The following LRRC71 variants were observed in gnomAD, a reference collection of about 807,000 sequenced individuals.
LRRC71 encodes leucine-rich repeat-containing protein 71.
Under a neutral mutation model 66.6 loss-of-function variants are expected in LRRC71, and 54 were observed. That is an observed-to-expected ratio of 0.81 (90% CI 0.65 to 1.02). LRRC71 has a LOEUF of 1.02. Ranked by LOEUF, LRRC71 falls within the 50% of genes least tolerant of loss-of-function variation. The pLI is 0.00. For synonymous variants in LRRC71, 323 were observed against 303.9 expected (o/e 1.06, Z -0.65); for missense variants, 724 against 718.0 (o/e 1.01, Z -0.10).
At chr1:156,939,638 C>A in the LRRC71 span, 1 of 1,613,868 alleles carries the variant, frequency 6.2e-7, no homozygotes, top group Non-Finnish European at 8.5e-7. Context: ...TCCCATATCC[C>A]AGAATTTCTG....
At chr1:156,927,893 G>A in intron 8 of LRRC71, 22 bp from the exon 9 acceptor site, 2 of 1,610,282 alleles carry the variant, frequency 1.2e-6, no homozygotes, top group Non-Finnish European at 1.7e-6. Context: ...GCGTCCGACC[G>A]CTGAGCGCCC....
At position 156,920,778 on chromosome 1, in the gene LRRC71, C is replaced by T; in HGVS notation, c.-26C>T. ...TTACCTTCCTGCCCCGACGAAGGTC[C>T]CAGAGACGCTGCGGACAACACCAGC... On this transcript the variant is annotated 5_prime_UTR_variant, in exon 1 of 15. Coordinates refer to ENST00000337428, the MANE Select transcript of LRRC71 (RefSeq NM_144702.3). This position sits in a 1 kb window ranked among gnomAD's most constrained non-coding sequence, Gnocchi z 4.9. The T allele has an allele frequency of 1.3e-6, 2 of 1,489,840 alleles. No homozygotes were observed. Among genetic ancestry groups the T allele is most frequent in the East Asian group, 2.6e-5 (1 of 38,852 alleles). The allele number at this position is 1,489,840 out of a possible 1,614,324, so 92.3% of individuals were successfully genotyped here.
downstream of LRRC71, chr1:156,936,262 G>GT: frequency 1.3e-6 from 1 of 754,174 alleles, no homozygotes; most frequent in Non-Finnish European, 2.5e-6. Flanking sequence ...GGTCAGGTAG[G>GT]TATGTGCCTT....
chr1:156,936,493 A>ATAT (rs1481502478), downstream of LRRC71, among the ~76,000 whole-genome samples: 111 of 62,340 alleles, frequency 1.8e-3, no homozygotes, highest in Non-Finnish European at 2.6e-3. Context: ...AAAAAAAAAA[A>ATAT]AAAAATATAT....
the LRRC71 span, among the ~76,000 whole-genome samples, chr1:156,938,254 C>T: frequency 6.6e-6 from 1 of 152,158 alleles, no homozygotes; most frequent in Non-Finnish European, 1.5e-5. Context: ...GCCTTTAGAA[C>T]CAGATCTCCC....
At chr1:156,922,210 A>G (rs540367766) in intron 1 of LRRC71, among the ~76,000 whole-genome samples, 1 of 152,266 alleles carries the variant, frequency 6.6e-6, no homozygotes, top group East Asian at 1.9e-4. Context: ...AAGTCCTGGC[A>G]ATGAAAGAGA....
intron 11 of LRRC71, among the ~76,000 whole-genome samples, chr1:156,930,259 A>AT (rs1227246826): frequency 2.0e-5 from 3 of 151,166 alleles, no homozygotes; most frequent in African/African-American, 7.3e-5. Flanking sequence ...CGCCCAGCTA[A>AT]TTTTTGTATT....
the LRRC71 span, chr1:156,939,109 G>A: frequency 4.4e-6 from 1 of 227,984 alleles, no homozygotes; most frequent in South Asian, 6.3e-5. Context: ...CACCTCTACT[G>A]CCCTTGGAGC....
intron 12 of LRRC71, among the ~76,000 whole-genome samples, 193 bp downstream of exon 12, chr1:156,930,810 T>G (rs183088449): frequency 2.0e-5 from 3 of 152,214 alleles, no homozygotes; most frequent in African/African-American, 4.8e-5. Flanking sequence ...ACCTTGGGCT[T>G]CTGTGGGAAT....
intron 5 of LRRC71, 104 bp downstream of exon 5, chr1:156,925,119 C>A: frequency 9.5e-7 from 1 of 1,051,266 alleles, no homozygotes; most frequent in South Asian, 1.4e-5. Flanking sequence ...CTCCTGTGGG[C>A]CTGCCTGGCA....
rs1039358510 is a variant in LRRC71 at position 156,923,928 on chromosome 1, C to A, written c.161-21C>A. On this transcript the variant is annotated intron_variant, in intron 1 of 14. Transcript: ENST00000337428. ...GGGGTGGGCGTGGCCCCTTCTCTCA[C>A]GCCCCTGCCTGCCCCCGCAGAGGAG... 3 of 1,453,008 alleles carry A rather than the reference C, an allele frequency of 2.1e-6. No individual in the cohort carries two copies. The South Asian group carries it at 4.3e-5, about 21-fold the overall frequency. The allele number at this position is 1,453,008 out of a possible 1,614,324, so 90.0% of individuals were successfully genotyped here. A position where few individuals can be genotyped will look rare whatever the true frequency, so the allele number is the denominator to read the frequency against.
intron 10 of LRRC71, 57 bp from the exon 11 acceptor site, chr1:156,929,579 C>T (rs1158537089): frequency 1.3e-6 from 2 of 1,542,160 alleles, no homozygotes; most frequent in African/African-American, 2.7e-5. Flanking sequence ...CTTCCCTCAC[C>T]ACTGCCCATC....
Position 156,927,675 on chromosome 1 carries a change from G to A in LRRC71, c.822+20G>A. 5 of 1,606,416 alleles carry A rather than the reference G, an allele frequency of 3.1e-6. No homozygotes were observed. The highest frequency in any genetic ancestry group is 1.1e-5 in the South Asian group (1 of 90,784). On this transcript the variant is annotated intron_variant, in intron 7 of 14. Coordinates refer to ENST00000337428, the MANE Select transcript of LRRC71 (RefSeq NM_144702.3). ...GCGGACGTGAGTGCACGGCGGGGAG[G>A]GACCTGCTGGGAGCAGGGGCGGCTT...
intron 1 of LRRC71, 105 bp downstream of exon 1, chr1:156,921,068 T>C (rs1300715382): frequency 2.4e-6 from 3 of 1,245,544 alleles, no homozygotes; most frequent in Non-Finnish European, 2.1e-6. Flanking sequence ...CATACATACC[T>C]ACGTTGAGTT....
intron 5 of LRRC71, among the ~76,000 whole-genome samples, chr1:156,925,842 G>T (rs1009847951): frequency 4.6e-5 from 7 of 152,214 alleles, no homozygotes; most frequent in African/African-American, 1.2e-4. Context: ...TCAGCTGGGG[G>T]TCCCCAGCAC....
At chr1:156,936,714 ACT>A (rs1165565589), downstream of LRRC71, 6 of 1,341,152 alleles carry the variant, frequency 4.5e-6, no homozygotes, top group Non-Finnish European at 6.1e-6. Context: ...AGGGGAAACC[ACT>A]CTCAGAACCA....
chr1:156,940,103 C>T, the LRRC71 span: 13 of 1,427,816 alleles, frequency 9.1e-6, no homozygotes, highest in African/African-American at 1.4e-5. Flanking sequence ...CTCAAGCACA[C>T]CAGGAAGAGC....
chr1:156,932,162 T>A, intron 13 of LRRC71, 135 bp downstream of exon 13: 1 of 772,588 alleles, frequency 1.3e-6, no homozygotes, highest in Non-Finnish European at 2.2e-6. Flanking sequence ...CAAGGCTCTC[T>A]GGCACAGGGC....
intron 12 of LRRC71, among the ~76,000 whole-genome samples, chr1:156,931,339 CAA>C (rs1287104999): frequency 6.6e-6 from 1 of 152,188 alleles, no homozygotes; most frequent in Admixed American, 6.5e-5. Context: ...CAAAATCTTA[CAA>C]AAGAGGACGT....
Sources: gnomAD v4.1 joint callset for allele counts (sites outside exome capture counted in the v4.1 genomes callset) on GRCh38, gnomAD v4.1.1 for gene constraint, Gnocchi (gnomAD v3.1) non-coding constraint, MANE v1.5 for transcripts, NCBI Gene and HGNC (gene_info 2026-07-23, HGNC 2026-07-21) for gene names.